ST18: variants seen among roughly 807,000 people sequenced by gnomAD.
ST18 encodes the protein suppression of tumorigenicity 18 protein.
Under a neutral mutation model 110.0 loss-of-function variants are expected in ST18, and 50 were observed. The ratio of observed to expected loss-of-function variants is 0.45; its 90% confidence interval spans 0.36 to 0.58. The LOEUF (loss-of-function observed/expected upper bound fraction) is 0.58, where lower values mean the gene tolerates loss of function less well. Among genes scored for constraint, ST18 ranks in the 20% least tolerant of loss-of-function variants. The pLI is 0.00. For missense variants in ST18, 1,306 were observed against 1,280.1 expected (o/e 1.02, Z -0.31); for synonymous variants, 461 against 452.4 (o/e 1.02, Z -0.24).
At chr8:52,202,486 G>T (rs1367987176) in intron 8 of ST18, among the ~76,000 whole-genome samples, 1 of 152,182 alleles carries the variant, frequency 6.6e-6, no homozygotes, top group Non-Finnish European at 1.5e-5. Flanking sequence ...CGAAGGCAGA[G>T]AATCTGCTTT....
chr8:52,350,269 T>C (rs1193449466), intron 2 of ST18, among the ~76,000 whole-genome samples: 1 of 152,222 alleles, frequency 6.6e-6, no homozygotes, highest in African/African-American at 2.4e-5. Context: ...TTCTATTCTA[T>C]GACGGACAGA....
At chr8:52,185,458 G>A (rs1232460405) in intron 8 of ST18, among the ~76,000 whole-genome samples, 4 of 152,104 alleles carry the variant, frequency 2.6e-5, no homozygotes, top group African/African-American at 9.7e-5. Flanking sequence ...GAACCAAGAA[G>A]AGCAAAGACA....
intron 2 of ST18, among the ~76,000 whole-genome samples, chr8:52,290,737 G>A (rs1264511232): frequency 6.6e-6 from 1 of 152,118 alleles, no homozygotes; most frequent in East Asian, 1.9e-4. Context: ...CACCAGCCCT[G>A]CCTGCCACTC....
chr8:52,250,006 C>G (rs1412699795), intron 2 of ST18, among the ~76,000 whole-genome samples: 1 of 151,976 alleles, frequency 6.6e-6, no homozygotes, highest in Non-Finnish European at 1.5e-5. Flanking sequence ...AGCCTCAGAC[C>G]TGGCAAAGTT....
At chr8:52,365,698 G>C (rs527480989) in intron 2 of ST18, among the ~76,000 whole-genome samples, 241 of 151,534 alleles carry the variant, frequency 1.6e-3, no homozygotes, top group Non-Finnish European at 2.9e-3. Flanking sequence ...TTTGGGTTTG[G>C]GGGGTGGGGG....
intron 6 of ST18, 25 bp from the exon 7 acceptor site, chr8:52,214,282 A>C: frequency 6.2e-7 from 1 of 1,612,986 alleles, no homozygotes; most frequent in Non-Finnish European, 8.5e-7. Context: ...CAAAGTCCTG[A>C]GGTCATTCCT....
At chr8:52,274,412 T>A (rs2095172098) in intron 2 of ST18, among the ~76,000 whole-genome samples, 1 of 151,934 alleles carries the variant, frequency 6.6e-6, no homozygotes, top group Non-Finnish European at 1.5e-5. Context: ...AAAATATACA[T>A]TTCCTTTACC....
intron 8 of ST18, among the ~76,000 whole-genome samples, chr8:52,196,428 G>A (rs1002303196): frequency 6.6e-6 from 1 of 152,106 alleles, no homozygotes; most frequent in Non-Finnish European, 1.5e-5. Context: ...TTTATTTGGC[G>A]AATGCCTGCA....
chr8:52,133,638 A>G (rs753172839), intron 19 of ST18, among the ~76,000 whole-genome samples: 14 of 151,592 alleles, frequency 9.2e-5, no homozygotes, highest in African/African-American at 4.8e-5. Context: ...AAATCAGTCC[A>G]CAACTTATTG....
chr8:52,270,731 G>C (rs761869359), intron 2 of ST18, among the ~76,000 whole-genome samples: 1 of 152,132 alleles, frequency 6.6e-6, no homozygotes, highest in Non-Finnish European at 1.5e-5. Flanking sequence ...GGGTGGTGCA[G>C]GGGTAAGGGA....
intron 2 of ST18, among the ~76,000 whole-genome samples, chr8:52,387,644 T>C (rs1837356098): frequency 1.3e-5 from 2 of 152,120 alleles, no homozygotes. Context: ...ATATACAAAA[T>C]GCTGACTTTC....
chr8:52,309,778 G>C (rs1053079933), intron 2 of ST18, among the ~76,000 whole-genome samples: 2 of 152,008 alleles, frequency 1.3e-5, no homozygotes, highest in Non-Finnish European at 2.9e-5. Flanking sequence ...GCAAATACCT[G>C]CAGCCCAGAC....
At chr8:52,116,147 G>T in intron 25 of ST18, 128 bp downstream of exon 25, 1 of 980,516 alleles carries the variant, frequency 1.0e-6, no homozygotes, top group Non-Finnish European at 1.5e-6. Flanking sequence ...AGACTGTGAT[G>T]AAGTGTGGTC....
rs2059587421 is a variant in ST18, at chr8:52,154,623, C to T, written c.1806+4275G>A. 2.0e-5 allele frequency: 3 copies of T among 152,180 alleles called. No individual in the cohort carries two copies. In the South Asian group the frequency reaches 6.2e-4, roughly 32 times the overall value. 9.4% of individuals were successfully genotyped at this position (152,180 alleles called of 1,614,324 possible). ...CCCACCTGTGGCCCCGTGGCAAGAC[C>T]AAAGGGGAGCTCTTTGGAGCTGTGG... On this transcript the variant is annotated intron_variant, in intron 15 of 25. Transcript: ENST00000689386.
At chr8:52,239,403 T>A (rs979234906) in intron 2 of ST18, among the ~76,000 whole-genome samples, 2 of 152,116 alleles carry the variant, frequency 1.3e-5, no homozygotes, top group African/African-American at 4.8e-5. Context: ...ACCATACAGA[T>A]CACAGTAAGG....
intron 2 of ST18, among the ~76,000 whole-genome samples, chr8:52,320,503 C>T (rs993635154): frequency 2.0e-5 from 3 of 152,012 alleles, no homozygotes; most frequent in Non-Finnish European, 4.4e-5. Context: ...ATAAAGAATT[C>T]ATGTAAATTA....
At chr8:52,142,874 T>C (rs923697414) in intron 17 of ST18, 56 bp downstream of exon 17, 20 of 1,285,408 alleles carry the variant, frequency 1.6e-5, no homozygotes, top group African/African-American at 3.0e-5. Flanking sequence ...CTTTAAGTCA[T>C]GAACTTGAAT....
At chr8:52,182,665 C>G (rs1396902648) in intron 8 of ST18, among the ~76,000 whole-genome samples, 3 of 152,048 alleles carry the variant, frequency 2.0e-5, no homozygotes, top group Non-Finnish European at 4.4e-5. Flanking sequence ...ACTAATCAAA[C>G]AGGCATAAAG....
At chr8:52,168,295 GAA>G (rs1458301333) in intron 10 of ST18, among the ~76,000 whole-genome samples, 1 of 150,222 alleles carries the variant, frequency 6.7e-6, no homozygotes, top group African/African-American at 2.5e-5. Context: ...TCCTGCCCGA[GAA>G]GATGCTGACG....
Sources: gnomAD v4.1 joint callset for allele counts (sites outside exome capture counted in the v4.1 genomes callset) on GRCh38, gnomAD v4.1.1 for gene constraint, MANE v1.5 for transcripts, NCBI Gene and HGNC (gene_info 2026-07-23, HGNC 2026-07-21) for gene names.